ZCWPW2: variants seen among roughly 807,000 people sequenced by gnomAD.
The protein encoded by ZCWPW2 is zinc finger CW-type and PWWP domain containing 2.
A neutral mutation model predicts 46.6 loss-of-function variants in ZCWPW2; 45 were observed. The ratio of observed to expected loss-of-function variants is 0.96; its 90% CI spans 0.76 to 1.24. The LOEUF is 1.24. Among genes scored for constraint, ZCWPW2 ranks in the 50% most tolerant of loss-of-function variants. The pLI is 0.00. For synonymous variants in ZCWPW2, 152 were observed against 137.1 expected (o/e 1.11, Z -0.76); for missense variants, 429 against 403.9 (o/e 1.06, Z -0.53).
rs146922752 is a variant in ZCWPW2, at chr3:28,487,489, C to T, written c.611-4638C>T. Among the ~76,000 whole-genome samples, 314 of 152,210 alleles carry T rather than the reference C, an allele frequency of 2.1e-3. 1 individual carries two copies. The highest frequency in any genetic ancestry group is 3.5e-3 in the South Asian group (17 of 4,820). On this transcript the variant is annotated intron_variant, in intron 5 of 9. Coordinates refer to ENST00000383768, the MANE Select transcript of ZCWPW2 (RefSeq NM_001040432.4). Reference sequence around the variant, plus strand: ...CTTAGAATTTTCATTTCTTTGCTTACGTTACCTATCTGTTATTGCATATTG... The same window carrying T: ...CTTAGAATTTTCATTTCTTTGCTTATGTTACCTATCTGTTATTGCATATTG...
chr3:28,386,717 A>T (rs189615037), intron 1 of ZCWPW2, among the ~76,000 whole-genome samples: 7 of 152,290 alleles, frequency 4.6e-5, no homozygotes, highest in Non-Finnish European at 7.4e-5. Context: ...AGGTTATATG[A>T]TTATAGATAT....
intron 5 of ZCWPW2, among the ~76,000 whole-genome samples, chr3:28,488,943 T>C (rs1699701437): frequency 6.6e-6 from 1 of 152,226 alleles, no homozygotes; most frequent in Non-Finnish European, 1.5e-5. Context: ...AAATTACTAC[T>C]GATCATAATG....
At position 28,429,984 on chromosome 3, in the gene ZCWPW2, G is replaced by A. The variant is rs375618018; in HGVS notation, c.333-5126G>A. 2.3e-3 allele frequency among the ~76,000 whole-genome samples: 348 copies of A among 152,344 alleles called. 1 individual carries two copies. The highest frequency in any genetic ancestry group is 8.0e-3 in the African/African-American group (331 of 41,580). On this transcript the variant is annotated intron_variant, in intron 3 of 9. Coordinates refer to ENST00000383768, the MANE Select transcript of ZCWPW2 (RefSeq NM_001040432.4). ...GACAGAGCCCTCATGGAGAACCTCT[G>A]CTAGGAGAGTGCAGAAGGGAAATGT...
chr3:28,399,099 C>T (rs557947542), intron 2 of ZCWPW2, among the ~76,000 whole-genome samples: 8 of 152,254 alleles, frequency 5.3e-5, no homozygotes, highest in Non-Finnish European at 8.8e-5. Flanking sequence ...TTGCTGGGGG[C>T]ATGGTGGGGG....
intron 8 of ZCWPW2, among the ~76,000 whole-genome samples, chr3:28,519,336 G>A (rs1367926573): frequency 6.6e-6 from 1 of 152,108 alleles, no homozygotes; most frequent in African/African-American, 2.4e-5. Context: ...TTGTGTTCCT[G>A]CCCCTTAGTA....
At chr3:28,355,706 A>G (rs536599235) in intron 1 of ZCWPW2, among the ~76,000 whole-genome samples, 2 of 152,222 alleles carry the variant, frequency 1.3e-5, no homozygotes, top group Non-Finnish European at 2.9e-5. Flanking sequence ...CACATCTACA[A>G]CCATCTGATC....
chr3:28,398,355 G>A (rs1317345144), intron 2 of ZCWPW2: 1 of 152,164 alleles, frequency 6.6e-6, no homozygotes, highest in African/African-American at 2.4e-5. Context: ...CATCTTGGGG[G>A]TGGGACACAA....
intron 4 of ZCWPW2, among the ~76,000 whole-genome samples, chr3:28,435,585 A>G (rs1697450295): frequency 6.7e-6 from 1 of 148,992 alleles, no homozygotes; most frequent in East Asian, 2.0e-4. Flanking sequence ...TCCTGGGTTC[A>G]CGCCATTCTC....
At chr3:28,424,203 A>G (rs1696910309) in intron 3 of ZCWPW2, among the ~76,000 whole-genome samples, 1 of 150,908 alleles carries the variant, frequency 6.6e-6, no homozygotes, top group Non-Finnish European at 1.5e-5. Flanking sequence ...TGGCTTTCAT[A>G]GAGAGACTGT....
chr3:28,462,005 CTT>C (rs1698656483), intron 4 of ZCWPW2, among the ~76,000 whole-genome samples: 1 of 152,118 alleles, frequency 6.6e-6, no homozygotes, highest in African/African-American at 2.4e-5. Context: ...GTATTTTTCT[CTT>C]TCTTTTACTG....
chr3:28,386,446 A>G (rs932283196), intron 1 of ZCWPW2, among the ~76,000 whole-genome samples: 1 of 152,166 alleles, frequency 6.6e-6, no homozygotes, highest in African/African-American at 2.4e-5. Flanking sequence ...TTCCTCCCCA[A>G]GCAGACTAAT....
intron 1 of ZCWPW2, among the ~76,000 whole-genome samples, chr3:28,366,197 A>G (rs1024615004): frequency 7.4e-6 from 1 of 135,102 alleles, no homozygotes; most frequent in African/African-American, 2.8e-5. Context: ...AGGAGTGGTG[A>G]GAGAGGGGAT....
chr3:28,404,924 G>A (rs1696099631), intron 2 of ZCWPW2, among the ~76,000 whole-genome samples: 1 of 152,120 alleles, frequency 6.6e-6, no homozygotes. Context: ...CAAATAGAGT[G>A]CATTGTATAC....
chr3:28,357,395 C>A lies in ZCWPW2; in HGVS notation c.-134+8192C>A, dbSNP rs138996570. On this transcript the variant is annotated intron_variant, in intron 1 of 9. Coordinates refer to ENST00000383768, the MANE Select transcript of ZCWPW2 (RefSeq NM_001040432.4). ...TTTATGTGTCAACTTGAATGTGTGCCGTGGGCTGCCCATGTATTTGGTTAA... is the reference window on the plus strand; with the variant it reads ...TTTATGTGTCAACTTGAATGTGTGCAGTGGGCTGCCCATGTATTTGGTTAA... Among the ~76,000 whole-genome samples the A allele has an allele frequency of 3.9e-5, 6 of 152,184 alleles. No homozygotes were observed. In the East Asian group the frequency reaches 1.2e-3, roughly 29 times the overall value.
chr3:28,383,296 T>G (rs1695163294), intron 1 of ZCWPW2, among the ~76,000 whole-genome samples: 1 of 146,360 alleles, frequency 6.8e-6, no homozygotes, highest in Non-Finnish European at 1.6e-5. Flanking sequence ...TACACTCTAT[T>G]AAATGTTACA....
At chr3:28,370,333 C>G (rs564056503) in intron 1 of ZCWPW2, among the ~76,000 whole-genome samples, 2 of 152,302 alleles carry the variant, frequency 1.3e-5, no homozygotes, top group East Asian at 3.9e-4. Context: ...CATAACAACC[C>G]TAAACTGGAG....
intron 4 of ZCWPW2, among the ~76,000 whole-genome samples, chr3:28,448,228 A>G (rs1269435640): frequency 2.6e-5 from 4 of 152,210 alleles, no homozygotes; most frequent in African/African-American, 7.2e-5. Flanking sequence ...ATTAGAACTA[A>G]TAAGTGAATT....
Position 28,359,340 on chromosome 3 carries a change from C to A in ZCWPW2, c.-134+10137C>A, listed in dbSNP as rs147701711. 1.1e-3 allele frequency among the ~76,000 whole-genome samples: 164 copies of A among 151,900 alleles called. 1 individual carries two copies. Among genetic ancestry groups the A allele is most frequent in the African/African-American group, 3.6e-3 (151 of 41,384 alleles). Reference sequence around the variant, plus strand: ...ATTTTTCTATTTTGGTCAATATTTTCTTATGAAGGTACAAAACACAGTATA... The same window carrying A: ...ATTTTTCTATTTTGGTCAATATTTTATTATGAAGGTACAAAACACAGTATA... On this transcript the variant is annotated intron_variant, in intron 1 of 9. Transcript: ENST00000383768.
At chr3:28,377,655 C>T (rs1042290729) in intron 1 of ZCWPW2, among the ~76,000 whole-genome samples, 2 of 151,930 alleles carry the variant, frequency 1.3e-5, no homozygotes, top group African/African-American at 2.4e-5. Context: ...GTAACTAAGC[C>T]GTCTAAATTT....
Sources: gnomAD v4.1 joint callset for allele counts (sites outside exome capture counted in the v4.1 genomes callset) on GRCh38, gnomAD v4.1.1 for gene constraint, MANE v1.5 for transcripts, NCBI Gene and HGNC (gene_info 2026-07-23, HGNC 2026-07-21) for gene names.